Variants in DEPTOR observed in about 807,000 individuals in gnomAD.
The protein encoded by DEPTOR is DEP domain containing MTOR interacting protein, also known as DEP domain-containing mTOR-interacting protein.
Under a neutral mutation model 41.6 loss-of-function variants are expected in DEPTOR, and 41 were observed. The observed-to-expected ratio is 0.98, with a 90% confidence interval of 0.77 to 1.28. DEPTOR has a LOEUF of 1.28. Among genes scored for constraint, DEPTOR ranks in the 50% most tolerant of loss-of-function variants. The probability of loss-of-function intolerance (pLI) is 0.00; values close to 1 mark genes in which losing one functional copy is unlikely to be tolerated. For missense variants in DEPTOR, 514 were observed against 527.9 expected (o/e 0.97, Z 0.26); for synonymous variants, 195 against 192.3 (o/e 1.01, Z -0.12).
chr8:120,012,876 G>C (rs957932943), intron 8 of DEPTOR, among the ~76,000 whole-genome samples: 1 of 151,970 alleles, frequency 6.6e-6, no homozygotes, highest in African/African-American at 2.4e-5. Flanking sequence ...ATGATGGGAG[G>C]CCAGGCTCAG....
At chr8:120,035,824 G>A (rs1316073871) in intron 8 of DEPTOR, among the ~76,000 whole-genome samples, 4 of 152,200 alleles carry the variant, frequency 2.6e-5, no homozygotes, top group Non-Finnish European at 4.4e-5. Context: ...GAGCCACTGG[G>A]CCTGGCCATG....
intron 4 of DEPTOR, among the ~76,000 whole-genome samples, chr8:119,967,111 C>G (rs935753029): frequency 6.6e-6 from 1 of 151,158 alleles, no homozygotes; most frequent in Admixed American, 6.6e-5. Flanking sequence ...TTGAGTCTCT[C>G]TTTGTCACCC....
intron 1 of DEPTOR, among the ~76,000 whole-genome samples, chr8:119,896,417 C>T (rs1457321496): frequency 2.6e-5 from 4 of 152,126 alleles, no homozygotes; most frequent in South Asian, 2.1e-4. Flanking sequence ...TGGAGTGTGG[C>T]GGTCAGAGGC....
chr8:119,921,780 A>ATTTTT (rs1827899274), intron 1 of DEPTOR, among the ~76,000 whole-genome samples: 2 of 123,060 alleles, frequency 1.6e-5, no homozygotes, highest in Admixed American at 7.9e-5. Context: ...TTGTTTTTTG[A>ATTTTT]AACAGGGTCT....
chr8:119,894,215 AC>A, intron 1 of DEPTOR, among the ~76,000 whole-genome samples: 1 of 151,396 alleles, frequency 6.6e-6, no homozygotes, highest in East Asian at 2.0e-4. Flanking sequence ...GGGACACCAC[AC>A]CCAGCTAATT....
intron 1 of DEPTOR, among the ~76,000 whole-genome samples, chr8:119,901,295 T>C (rs9649948): frequency 0.79 from 120,046 of 152,170 alleles, 47,494 homozygotes; most frequent in East Asian, 0.95. Flanking sequence ...CAAACTCCCA[T>C]TTCAGAATCA....
chr8:120,024,349 G>A (rs1282330705), intron 8 of DEPTOR, among the ~76,000 whole-genome samples: 2 of 152,170 alleles, frequency 1.3e-5, no homozygotes, highest in Non-Finnish European at 2.9e-5. Context: ...TAGGTGTGAG[G>A]GAATCTGGGA....
intron 1 of DEPTOR, among the ~76,000 whole-genome samples, chr8:119,917,589 A>G (rs900693492): frequency 1.3e-5 from 2 of 152,242 alleles, no homozygotes; most frequent in African/African-American, 2.4e-5. Flanking sequence ...AAAGCACTGC[A>G]GAAGGCTGCA....
chr8:119,924,650 G>A (rs7008908), intron 1 of DEPTOR, among the ~76,000 whole-genome samples: 33,309 of 151,870 alleles, frequency 0.22, 4,227 homozygotes, highest in African/African-American at 0.34. Flanking sequence ...CTACCCTATC[G>A]GTAAAACAGG....
intron 4 of DEPTOR, among the ~76,000 whole-genome samples, chr8:119,970,214 A>G (rs72673654): frequency 6.6e-6 from 1 of 152,220 alleles, no homozygotes; most frequent in African/African-American, 2.4e-5. Context: ...TGTACCATCT[A>G]TAAAGGCATT....
At chr8:119,966,439 C>G (rs1828562610) in intron 4 of DEPTOR, among the ~76,000 whole-genome samples, 1 of 152,166 alleles carries the variant, frequency 6.6e-6, no homozygotes, top group South Asian at 2.1e-4. Context: ...GAACACTTTC[C>G]CCTTTGCCCT....
intron 8 of DEPTOR, among the ~76,000 whole-genome samples, chr8:120,040,390 C>CCAAAT (rs1813049112): frequency 6.6e-6 from 1 of 151,800 alleles, no homozygotes; most frequent in South Asian, 2.1e-4. Context: ...TCCTGGCTAA[C>CCAAAT]GTGGTGAAAC....
At chr8:119,878,539 G>A (rs1827257886) in intron 1 of DEPTOR, among the ~76,000 whole-genome samples, 1 of 151,122 alleles carries the variant, frequency 6.6e-6, no homozygotes, top group Non-Finnish European at 1.5e-5. Context: ...ATGTTGGCCA[G>A]AATGGTCTCG....
chr8:120,000,831 A>C (rs1812335507), intron 4 of DEPTOR, among the ~76,000 whole-genome samples: 1 of 151,142 alleles, frequency 6.6e-6, no homozygotes, highest in Non-Finnish European at 1.5e-5. Flanking sequence ...TAATCCCAGC[A>C]CTTTGGGAGG....
At chr8:119,921,923 G>T (rs1827901296) in intron 1 of DEPTOR, among the ~76,000 whole-genome samples, 1 of 151,700 alleles carries the variant, frequency 6.6e-6, no homozygotes, top group Non-Finnish European at 1.5e-5. Flanking sequence ...ACCACACCCG[G>T]CTAATTATTT....
chr8:120,014,203 T>A (rs138865808), intron 8 of DEPTOR, among the ~76,000 whole-genome samples: 32 of 152,334 alleles, frequency 2.1e-4, no homozygotes, highest in Admixed American at 6.5e-4. Context: ...AAAAGTTTCA[T>A]CAACCCATGC....
chr8:119,930,377 C>T (rs1828026279), intron 3 of DEPTOR, among the ~76,000 whole-genome samples: 1 of 152,090 alleles, frequency 6.6e-6, no homozygotes. Flanking sequence ...GCTGGGACTA[C>T]AGGCATGAGC....
intron 4 of DEPTOR, among the ~76,000 whole-genome samples, chr8:119,988,531 G>A (rs921845808): frequency 6.6e-6 from 1 of 152,046 alleles, no homozygotes; most frequent in African/African-American, 2.4e-5. Flanking sequence ...TGCCCAGGCT[G>A]GAGTGCAGTG....
At chr8:119,900,380 CTTTT>C (rs377443807) in intron 1 of DEPTOR, among the ~76,000 whole-genome samples, 584 of 43,916 alleles carry the variant, frequency 0.013, 11 homozygotes, top group African/African-American at 0.067. Flanking sequence ...CACCCCTCAC[CTTTT>C]TTTTTTTTTT....
Sources: allele counts gnomAD v4.1 joint callset (sites outside exome capture counted in the v4.1 genomes callset), GRCh38; gene constraint gnomAD v4.1.1; transcripts MANE v1.5; gene names NCBI Gene and HGNC (gene_info 2026-07-23, HGNC 2026-07-21).